Variants in DGKG observed in about 807,000 individuals in gnomAD.
The protein encoded by DGKG is diacylglycerol kinase gamma, also known as DAG kinase gamma.
Under a neutral mutation model 105.3 loss-of-function variants are expected in DGKG, and 78 were observed. The ratio of observed to expected loss-of-function variants is 0.74; its 90% CI spans 0.62 to 0.89. The LOEUF is 0.89. Ranked by LOEUF, DGKG falls within the 40% of genes least tolerant of loss-of-function variation. The pLI is 0.00. For synonymous variants in DGKG, 346 were observed against 367.1 expected (o/e 0.94, Z 0.66); for missense variants, 958 against 1,020.1 (o/e 0.94, Z 0.83).
chr3:186,327,089 G>A (rs1051866429), intron 1 of DGKG, among the ~76,000 whole-genome samples: 7 of 152,136 alleles, frequency 4.6e-5, no homozygotes, highest in African/African-American at 1.7e-4. Flanking sequence ...ACCTGAGCCT[G>A]AGGGATCAAG....
chr3:186,328,361 A>G lies in DGKG; in HGVS notation c.-248-7654T>C, dbSNP rs1725444833. On this transcript the variant is annotated intron_variant, in intron 1 of 24. Coordinates refer to ENST00000265022, the MANE Select transcript of DGKG (RefSeq NM_001346.3). ...AGCTGGCAAGAGAAGTGGTGCAGATATGTCCAGAGATTTATGGGGTCATCT... is the reference window on the plus strand; with the variant it reads ...AGCTGGCAAGAGAAGTGGTGCAGATGTGTCCAGAGATTTATGGGGTCATCT... Among the ~76,000 whole-genome samples the G allele has an allele frequency of 3.3e-5, 5 of 152,286 alleles. No individual in the cohort carries two copies. In the South Asian group the frequency reaches 1.0e-3, roughly 32 times the overall value.
At chr3:186,326,772 C>T (rs1725365053) in intron 1 of DGKG, among the ~76,000 whole-genome samples, 1 of 152,210 alleles carries the variant, frequency 6.6e-6, no homozygotes, top group Non-Finnish European at 1.5e-5. Flanking sequence ...CTTTCTCACT[C>T]CCATCAGTTT....
At chr3:186,207,039 G>T (rs745472196) in intron 21 of DGKG, among the ~76,000 whole-genome samples, 2 of 152,070 alleles carry the variant, frequency 1.3e-5, no homozygotes, top group African/African-American at 4.8e-5. Flanking sequence ...ATGAGCCACC[G>T]CACCCAGCTG....
At chr3:186,164,641 T>G (rs1260395305) in intron 23 of DGKG, among the ~76,000 whole-genome samples, 2 of 152,200 alleles carry the variant, frequency 1.3e-5, no homozygotes, top group African/African-American at 2.4e-5. Flanking sequence ...AATCTTATAC[T>G]CCTGTTTAGA....
At chr3:186,256,530 C>G (rs543617100) in intron 17 of DGKG, among the ~76,000 whole-genome samples, 25 of 152,362 alleles carry the variant, frequency 1.6e-4, no homozygotes, top group Middle Eastern at 3.4e-3. Flanking sequence ...GAACTGATCT[C>G]CCCGCTTCTG....
At chr3:186,212,570 G>A (rs985648792) in intron 20 of DGKG, among the ~76,000 whole-genome samples, 1 of 152,076 alleles carries the variant, frequency 6.6e-6, no homozygotes, top group Non-Finnish European at 1.5e-5. Flanking sequence ...CAAAGTAAGA[G>A]TTCACTACTT....
intron 20 of DGKG, among the ~76,000 whole-genome samples, chr3:186,217,987 G>C (rs1473932216): frequency 6.6e-6 from 1 of 152,192 alleles, no homozygotes; most frequent in Non-Finnish European, 1.5e-5. Flanking sequence ...CACATAGTTA[G>C]TTAGGCCTTG....
intron 21 of DGKG, among the ~76,000 whole-genome samples, chr3:186,199,457 C>T (rs956892461): frequency 1.3e-5 from 2 of 151,998 alleles, no homozygotes; most frequent in African/African-American, 4.8e-5. Context: ...TATTGTGAAC[C>T]AGCACTTTAT....
At chr3:186,353,582 TATATATATACAC>T (rs1257296243) in intron 1 of DGKG, among the ~76,000 whole-genome samples, 3 of 143,012 alleles carry the variant, frequency 2.1e-5, no homozygotes, top group African/African-American at 7.8e-5. Flanking sequence ...TATATATATA[TATATATATACAC>T]ACACACACAT....
At chr3:186,262,483 G>A (rs754272264) in intron 14 of DGKG, among the ~76,000 whole-genome samples, 46 of 152,068 alleles carry the variant, frequency 3.0e-4, no homozygotes, top group Non-Finnish European at 5.9e-5. Flanking sequence ...TCCCACCCTA[G>A]GTAAGTCCTG....
intron 14 of DGKG, among the ~76,000 whole-genome samples, chr3:186,263,822 C>T (rs957140485): frequency 6.6e-6 from 1 of 152,154 alleles, no homozygotes; most frequent in Non-Finnish European, 1.5e-5. Context: ...TGGAAGGATA[C>T]ACCAATGTGG....
chr3:186,238,931 T>C (rs976430219), intron 20 of DGKG, among the ~76,000 whole-genome samples: 1 of 152,198 alleles, frequency 6.6e-6, no homozygotes, highest in African/African-American at 2.4e-5. Context: ...TTGATGCCTC[T>C]TAGGATTCAA....
intron 15 of DGKG, among the ~76,000 whole-genome samples, chr3:186,261,390 A>G (rs1055343749): frequency 6.6e-6 from 1 of 152,194 alleles, no homozygotes; most frequent in Admixed American, 6.5e-5. Context: ...GAGGCTAGAA[A>G]GGCACAGGCA....
chr3:186,193,814 G>A (rs1005572341), intron 21 of DGKG, among the ~76,000 whole-genome samples: 2 of 152,248 alleles, frequency 1.3e-5, no homozygotes, highest in East Asian at 1.9e-4. Context: ...CGGCCCCAGC[G>A]TGGCGCTAAG....
In DGKG at chr3:186,302,516, ATATATATATATATATACATATG is replaced by A. The variant is rs1560143726; in HGVS notation, c.145-4309_145-4288del. ...TATATATATATATATACATATGTGTATATATATATATATATACATATGTATATATATATATATATATACACAT... is the reference window on the plus strand; with the variant it reads ...TATATATATATATATACATATGTGTATATATATATATATATATATACACAT... On this transcript the variant is annotated intron_variant, in intron 3 of 24. Coordinates refer to ENST00000265022, the MANE Select transcript of DGKG (RefSeq NM_001346.3). Among the ~76,000 whole-genome samples, 87 of 52,542 alleles carry A rather than the reference ATATATATATATATATACATATG, an allele frequency of 1.7e-3. 1 individual carries two copies. The highest frequency in any genetic ancestry group is 4.8e-3 in the African/African-American group (53 of 10,970). The allele number at this position is 52,542 out of a possible 152,430, so 34.5% of individuals were successfully genotyped here.
chr3:186,169,000 C>A (rs1278425513), intron 22 of DGKG, among the ~76,000 whole-genome samples: 1 of 152,166 alleles, frequency 6.6e-6, no homozygotes, highest in East Asian at 1.9e-4. Flanking sequence ...CCATTAATTT[C>A]TTTCTTGGTA....
chr3:186,150,191 A>G lies in DGKG; in HGVS notation c.2278-3T>C. On this transcript the variant is annotated splice_region_variant and splice_polypyrimidine_tract_variant and intron_variant, in intron 24 of 24. Coordinates refer to ENST00000265022, the MANE Select transcript of DGKG (RefSeq NM_001346.3). ...TGGTTCTTGTGAGTAATTTTAATCT[A>G]AAAGCAAAGAGGCAGAAATGAATTA... is the stretch of plus-strand genomic sequence containing the variant. 2 of 1,609,502 alleles carry G rather than the reference A, an allele frequency of 1.2e-6. No individual in the cohort carries two copies. Among genetic ancestry groups the G allele is most frequent in the South Asian group, 2.2e-5 (2 of 90,368 alleles).
chr3:186,159,360 G>A (rs1257853197), intron 24 of DGKG: 1 of 150,504 alleles, frequency 6.6e-6, no homozygotes, highest in Non-Finnish European at 1.5e-5. Flanking sequence ...AGTGAAGAGA[G>A]ACAATGAGAA....
At chr3:186,246,556 T>G (rs1264440277) in intron 19 of DGKG, among the ~76,000 whole-genome samples, 1 of 152,160 alleles carries the variant, frequency 6.6e-6, no homozygotes, top group East Asian at 1.9e-4. Flanking sequence ...TAAGACAGAT[T>G]ATTTGAAATT....
Sources: allele counts gnomAD v4.1 joint callset (sites outside exome capture counted in the v4.1 genomes callset), GRCh38; gene constraint gnomAD v4.1.1; transcripts MANE v1.5; gene names NCBI Gene and HGNC (gene_info 2026-07-23, HGNC 2026-07-21).